The following SDC2 variants were observed in gnomAD, a reference collection of about 807,000 sequenced individuals.
SDC2 encodes the protein syndecan-2.
In SDC2, 13 loss-of-function variants were observed where a neutral mutation model predicts 22.2. The ratio of observed to expected loss-of-function variants is 0.59; its 90% CI spans 0.38 to 0.93. SDC2 has a LOEUF of 0.93. Among genes scored for constraint, SDC2 ranks in the 40% least tolerant of loss-of-function variants. The probability of loss-of-function intolerance (pLI) is 0.00; values close to 1 mark genes in which losing one functional copy is unlikely to be tolerated. For synonymous variants in SDC2, 94 were observed against 92.8 expected (o/e 1.01, Z -0.07); for missense variants, 235 against 246.8 (o/e 0.95, Z 0.32).
At position 96,514,101 on chromosome 8, in the gene SDC2, C is replaced by G. The variant is rs529632819; in HGVS notation, c.60+19770C>G. 2.6e-5 allele frequency among the ~76,000 whole-genome samples: 4 copies of G among 152,334 alleles called. No homozygotes were observed. In the South Asian group the frequency reaches 8.3e-4, roughly 32 times the overall value. On this transcript the variant is annotated intron_variant, in intron 1 of 4. Coordinates refer to ENST00000302190, the MANE Select transcript of SDC2 (RefSeq NM_002998.4). The stretch of plus-strand genomic sequence containing the variant: ...AAGGAGTCTGGCATTCTAGGACCAA[C>G]TTGCTGTTAAACTGATGGCAAGATC...
At chr8:96,586,511 A>G (rs10441489) in intron 1 of SDC2, 3,686 of 152,366 alleles carry the variant, frequency 0.024, 138 homozygotes, top group African/African-American at 0.076. Flanking sequence ...AGAGGCATCC[A>G]ACAGGAACAG....
intron 1 of SDC2, among the ~76,000 whole-genome samples, chr8:96,553,161 AGAAATGTGTCTGT>A: frequency 6.6e-6 from 1 of 152,184 alleles, no homozygotes; most frequent in African/African-American, 2.4e-5. Context: ...TATTTAAAAT[AGAAATGTGTCTGT>A]GAGGTATAAC....
At chr8:96,502,991 C>T (rs1813188704) in intron 1 of SDC2, among the ~76,000 whole-genome samples, 1 of 152,188 alleles carries the variant, frequency 6.6e-6, no homozygotes, top group Non-Finnish European at 1.5e-5. Context: ...CCTACTTTTT[C>T]ATAACAGGGG....
intron 1 of SDC2, among the ~76,000 whole-genome samples, chr8:96,532,407 G>A (rs1262838691): frequency 8.2e-6 from 1 of 121,578 alleles, no homozygotes; most frequent in Non-Finnish European, 1.5e-5. Context: ...TCTGCTTATT[G>A]AGGCGTTTTT....
intron 1 of SDC2, among the ~76,000 whole-genome samples, chr8:96,592,355 T>C (rs910556698): frequency 1.3e-5 from 2 of 152,202 alleles, no homozygotes; most frequent in Non-Finnish European, 2.9e-5. Context: ...TATTTTAAGA[T>C]TAAATCTAAT....
intron 3 of SDC2, among the ~76,000 whole-genome samples, chr8:96,606,381 T>G (rs1319647611): frequency 2.6e-5 from 4 of 152,206 alleles, no homozygotes; most frequent in Admixed American, 2.0e-4. Flanking sequence ...TCAATGAAGT[T>G]GACAGTGTTT....
chr8:96,587,304 T>A (rs528997135), intron 1 of SDC2, among the ~76,000 whole-genome samples: 7 of 152,336 alleles, frequency 4.6e-5, no homozygotes, highest in African/African-American at 1.7e-4. Flanking sequence ...TGATTTTGGC[T>A]TTTTTCCATG....
chr8:96,582,114 T>A lies in SDC2; in HGVS notation c.61-11366T>A, dbSNP rs111882025. 2.8e-3 allele frequency among the ~76,000 whole-genome samples: 425 copies of A among 152,366 alleles called. 2 individuals carry two copies. The highest frequency in any genetic ancestry group is 4.7e-3 in the Non-Finnish European group (318 of 68,032). ...CATGCATTTTCTGTGATGGATTTCA[T>A]AATGGGCTCTAATACCTTTAAATAT... On this transcript the variant is annotated intron_variant, in intron 1 of 4. Coordinates refer to ENST00000302190, the MANE Select transcript of SDC2 (RefSeq NM_002998.4).
At chr8:96,572,449 G>A (rs1814412003) in intron 1 of SDC2, among the ~76,000 whole-genome samples, 1 of 152,118 alleles carries the variant, frequency 6.6e-6, no homozygotes, top group African/African-American at 2.4e-5. Flanking sequence ...TGGTTCTAGT[G>A]GTGTCTCAGG....
At chr8:96,603,115 T>G (rs1036676896) in intron 3 of SDC2, among the ~76,000 whole-genome samples, 2 of 152,198 alleles carry the variant, frequency 1.3e-5, no homozygotes, top group Non-Finnish European at 2.9e-5. Context: ...TAATGAAAAC[T>G]TGGAGCTTGT....
At chr8:96,537,264 T>C (rs1401667086) in intron 1 of SDC2, 4 of 152,212 alleles carry the variant, frequency 2.6e-5, no homozygotes, top group African/African-American at 7.2e-5. Flanking sequence ...AGATGGCTAG[T>C]GGTTTTAGCA....
Position 96,494,321 on chromosome 8 carries a change from C to CTCT in SDC2, c.50_51insTCT (p.Ser17_Ala18insLeu). 1 of 1,543,164 alleles carries CTCT rather than the reference C, an allele frequency of 6.5e-7. No individual in the cohort carries two copies. Among genetic ancestry groups the CTCT allele is most frequent in the African/African-American group, 1.4e-5 (1 of 73,316 alleles). On this transcript the variant is annotated inframe_insertion, in exon 1 of 5. Transcript: ENST00000302190. ...ACCTTGGGCTTGGTGGCCTGCGTGT[C>CTCT]GGCGGAGTCGGTGAGTGGGCCAGGC...
At chr8:96,579,381 A>G (rs888694309) in intron 1 of SDC2, among the ~76,000 whole-genome samples, 4 of 152,204 alleles carry the variant, frequency 2.6e-5, no homozygotes, top group Non-Finnish European at 5.9e-5. Flanking sequence ...TTAAATATTG[A>G]CTTTGTGCCT....
intron 2 of SDC2, among the ~76,000 whole-genome samples, chr8:96,599,115 T>C (rs907149951): frequency 1.3e-5 from 2 of 151,774 alleles, no homozygotes; most frequent in Non-Finnish European, 2.9e-5. Flanking sequence ...CTAATTCTTT[T>C]TATTTTTAGT....
chr8:96,572,514 A>G (rs1182538295), intron 1 of SDC2, among the ~76,000 whole-genome samples: 1 of 152,124 alleles, frequency 6.6e-6, no homozygotes, highest in Non-Finnish European at 1.5e-5. Flanking sequence ...CCCAAGTTTA[A>G]AAGTTGACTG....
intron 1 of SDC2, 53 bp downstream of exon 1, chr8:96,494,384 G>A (rs1813014570): frequency 2.0e-6 from 3 of 1,516,158 alleles, no homozygotes; most frequent in Non-Finnish European, 2.7e-6. Flanking sequence ...TTGAAGCTAC[G>A]AGAGGAGCCC....
intron 1 of SDC2, among the ~76,000 whole-genome samples, chr8:96,500,870 A>G (rs1342872213): frequency 6.6e-6 from 1 of 152,180 alleles, no homozygotes; most frequent in Admixed American, 6.5e-5. Context: ...GTTTTTCTCA[A>G]GTATCTCAAA....
intron 1 of SDC2, among the ~76,000 whole-genome samples, chr8:96,569,968 G>A (rs1409634635): frequency 6.6e-6 from 1 of 152,206 alleles, no homozygotes; most frequent in East Asian, 1.9e-4. Flanking sequence ...GTCGCTTGAA[G>A]CAGTCCAGAG....
At chr8:96,568,797 C>T (rs551240180) in intron 1 of SDC2, among the ~76,000 whole-genome samples, 1 of 152,284 alleles carries the variant, frequency 6.6e-6, no homozygotes, top group South Asian at 2.1e-4. Flanking sequence ...ATTCAATAAA[C>T]ATGTATTGCT....
Sources: gnomAD v4.1 joint callset for allele counts (sites outside exome capture counted in the v4.1 genomes callset) on GRCh38, gnomAD v4.1.1 for gene constraint, MANE v1.5 for transcripts, NCBI Gene and HGNC (gene_info 2026-07-23, HGNC 2026-07-21) for gene names.